ACSM1: variants seen among roughly 807,000 people sequenced by gnomAD.
The protein encoded by ACSM1 is acyl-CoA synthetase medium chain family member 1, also known as acyl-coenzyme A synthetase ACSM1, mitochondrial.
ACSM1 carries 79 observed loss-of-function variants against 75.8 expected under a neutral mutation model. The observed-to-expected ratio is 1.04, with a 90% CI of 0.87 to 1.26. The LOEUF (loss-of-function observed/expected upper bound fraction) is 1.26, where lower values mean the gene tolerates loss of function less well. Ranked by LOEUF, ACSM1 falls within the 50% of genes most tolerant of loss-of-function variation. The pLI, the probability that ACSM1 is intolerant of heterozygous loss-of-function variation, is 0.00. For synonymous variants in ACSM1, 279 were observed against 265.8 expected (o/e 1.05, Z -0.48); for missense variants, 676 against 720.1 (o/e 0.94, Z 0.70).
rs566470190 is a variant in ACSM1, at chr16:20,645,893, G to A, written c.993-5309C>T. On this transcript the variant is annotated intron_variant, in intron 7 of 13. Coordinates refer to ENST00000520010, the MANE Select transcript of ACSM1 (RefSeq NM_001318890.3). The stretch of plus-strand genomic sequence containing the variant: ...GAAAATCCTACTGCTCTTCTGGAGA[G>A]ACAAAGGGAGGCATTGAGGAAGCAT... 3.8e-3 allele frequency among the ~76,000 whole-genome samples: 581 copies of A among 152,294 alleles called. 5 individuals are homozygous for A. The highest frequency in any genetic ancestry group is 0.014 in the African/African-American group (562 of 41,564).
chr16:20,671,665 T>C lies in ACSM1; in HGVS notation c.618A>G (p.Ala206=), dbSNP rs149449646. 1 of 1,570,742 alleles carries C rather than the reference T, an allele frequency of 6.4e-7. No individual in the cohort carries two copies. The highest frequency in any genetic ancestry group is 8.6e-7 in the Non-Finnish European group (1 of 1,156,556). The change falls in exon 5 of 14, where the codon GCA becomes GCG. Residue 206 remains alanine (A), a synonymous_variant. Coordinates refer to ENST00000520010, the MANE Select transcript of ACSM1 (RefSeq NM_001318890.3). ...ACTTAACACAGGTGTGTTCTGGGGA[T>C]GCTGATCTGCAAAGGGGTTCAAGAC... ...WLDFRSLVKS[A]SPEHTCVKSK...
chr16:20,677,224 A>G (rs1027520308), intron 4 of ACSM1, among the ~76,000 whole-genome samples: 1 of 136,716 alleles, frequency 7.3e-6, no homozygotes, highest in Non-Finnish European at 1.6e-5. Context: ...TTTTAAAGAA[A>G]TTAAAAAAAA....
chr16:20,638,595 T>G (rs1377473020), intron 8 of ACSM1, among the ~76,000 whole-genome samples: 3 of 152,210 alleles, frequency 2.0e-5, no homozygotes, highest in Admixed American at 1.3e-4. Context: ...ATACTTCTTT[T>G]TATTTACCTT....
chr16:20,675,151 G>A (rs1469123297), intron 4 of ACSM1, among the ~76,000 whole-genome samples: 7 of 150,780 alleles, frequency 4.6e-5, no homozygotes, highest in Non-Finnish European at 1.0e-4. Flanking sequence ...GAAGAGTCCT[G>A]GGGTAGAAGT....
At chr16:20,664,664 T>G (rs888272549) in intron 6 of ACSM1, among the ~76,000 whole-genome samples, 2 of 152,174 alleles carry the variant, frequency 1.3e-5, no homozygotes, top group African/African-American at 4.8e-5. Context: ...CTAATAGACA[T>G]CCACAGAATA....
chr16:20,673,173 A>C (rs1429425525), intron 4 of ACSM1, among the ~76,000 whole-genome samples: 1 of 150,932 alleles, frequency 6.6e-6, no homozygotes, highest in East Asian at 1.9e-4. Flanking sequence ...CATGAGCTTG[A>C]GATGGCAGAT....
chr16:20,636,764 G>A lies in ACSM1; in HGVS notation c.1274C>T (p.Pro425Leu). 6.2e-7 allele frequency: 1 copy of A among 1,614,110 alleles called. No homozygotes were observed. Among genetic ancestry groups the A allele is most frequent in the Non-Finnish European group, 8.5e-7 (1 of 1,179,990 alleles). ...NIGIRIKPVR[P>L]VSLFMCYEGD... ...CTCATAGCACATGAAGAGGCTCACA[G>A]GCCTGACAGGTTTGATTCTGATGCC... Residue 425 changes from proline to leucine, a missense_variant, in exon 10 of 14, where the codon CCT becomes CTT. Physicochemically the swap from Pro to Leu is moderately conservative, Grantham distance 98 (BLOSUM62 -3). Coordinates refer to ENST00000520010, the MANE Select transcript of ACSM1 (RefSeq NM_001318890.3).
intron 10 of ACSM1, among the ~76,000 whole-genome samples, chr16:20,636,393 C>T (rs2017707037): frequency 6.6e-6 from 1 of 152,104 alleles, no homozygotes; most frequent in Non-Finnish European, 1.5e-5. Flanking sequence ...ATAGAGTTCC[C>T]TGGAGGCTCA....
intron 7 of ACSM1, among the ~76,000 whole-genome samples, chr16:20,659,478 T>C (rs1025178987): frequency 2.0e-5 from 3 of 152,186 alleles, no homozygotes; most frequent in Non-Finnish European, 2.9e-5. Context: ...TTACAAACCA[T>C]AAATTCTCAT....
chr16:20,672,112 G>A (rs1230991455), intron 4 of ACSM1, among the ~76,000 whole-genome samples: 1 of 151,998 alleles, frequency 6.6e-6, no homozygotes, highest in Non-Finnish European at 1.5e-5. Flanking sequence ...GACTCAGAGA[G>A]GTTAGGTAAT....
intron 7 of ACSM1, among the ~76,000 whole-genome samples, chr16:20,657,434 G>C (rs1164944119): frequency 6.6e-6 from 1 of 151,970 alleles, no homozygotes; most frequent in Non-Finnish European, 1.5e-5. Flanking sequence ...TCAGCCTCCT[G>C]AGTAGCTGGG....
intron 10 of ACSM1, among the ~76,000 whole-genome samples, chr16:20,635,925 C>A (rs1327244683): frequency 6.6e-6 from 1 of 152,116 alleles, no homozygotes; most frequent in Non-Finnish European, 1.5e-5. Context: ...AAGTGTGAGC[C>A]ACCCCACCCT....
intron 7 of ACSM1, among the ~76,000 whole-genome samples, chr16:20,661,183 A>G (rs1196473531): frequency 6.6e-6 from 1 of 152,200 alleles, no homozygotes; most frequent in Non-Finnish European, 1.5e-5. Flanking sequence ...GGACTGGTAT[A>G]AGAAATTGTG....
intron 7 of ACSM1, among the ~76,000 whole-genome samples, chr16:20,657,370 G>A (rs1042801697): frequency 1.3e-5 from 2 of 151,690 alleles, no homozygotes; most frequent in African/African-American, 4.9e-5. Flanking sequence ...GTGCAGCAGT[G>A]CGATCTCAGC....
chr16:20,643,261 G>A (rs951283375), intron 7 of ACSM1, among the ~76,000 whole-genome samples: 14 of 152,228 alleles, frequency 9.2e-5, no homozygotes, highest in African/African-American at 3.4e-4. Flanking sequence ...GCTGGCAGGT[G>A]CCTGGTATTT....
chr16:20,671,707 T>G, intron 4 of ACSM1, 36 bp from the exon 5 acceptor site: 1 of 1,476,140 alleles, frequency 6.8e-7, no homozygotes, highest in Non-Finnish European at 9.0e-7. Flanking sequence ...AAAAAAGTCA[T>G]GATTGCTGTT....
In ACSM1 at chr16:20,628,267, T is replaced by A. The variant is rs530866996; in HGVS notation, c.1300-951A>T. On this transcript the variant is annotated intron_variant, in intron 10 of 13. Coordinates refer to ENST00000520010, the MANE Select transcript of ACSM1 (RefSeq NM_001318890.3). ...ATCTTAGGCAGAATACTGACCTTGA[T>A]ACAATCCACCAGTCTTCAGATGTCC... is the stretch of plus-strand genomic sequence containing the variant. Among the ~76,000 whole-genome samples, 8 of 152,280 alleles carry A rather than the reference T, an allele frequency of 5.3e-5. No individual in the cohort carries two copies. The South Asian group carries it at 1.7e-3, about 32-fold the overall frequency.
chr16:20,625,306 C>T (rs2016852932), intron 12 of ACSM1, 117 bp downstream of exon 12: 14 of 959,348 alleles, frequency 1.5e-5, no homozygotes, highest in African/African-American at 1.1e-4. Context: ...ACCGTGTAAA[C>T]GCACATGCAC....
At chr16:20,689,067 C>T (rs1265606337) in intron 2 of ACSM1, among the ~76,000 whole-genome samples, 1 of 149,340 alleles carries the variant, frequency 6.7e-6, no homozygotes. Context: ...AAGCAATATA[C>T]AAAAATGTTA....
Sources: allele counts gnomAD v4.1 joint callset (sites outside exome capture counted in the v4.1 genomes callset), GRCh38; gene constraint gnomAD v4.1.1; transcripts MANE v1.5; gene names NCBI Gene and HGNC (gene_info 2026-07-23, HGNC 2026-07-21).